Variants in LCOR observed in about 807,000 individuals in gnomAD.
LCOR encodes the protein ligand-dependent corepressor.
Under a neutral mutation model 64.4 loss-of-function variants are expected in LCOR, and 14 were observed. That is an observed-to-expected ratio of 0.22 (90% CI 0.14 to 0.34). The LOEUF is 0.34. LCOR is among the 10% of genes least tolerant of loss of function. The pLI is 1.00. For synonymous variants in LCOR, 643 were observed against 642.5 expected (o/e 1.00, Z -0.01); for missense variants, 1,686 against 1,765.3 (o/e 0.96, Z 0.80).
At position 96,973,796 on chromosome 10, in the gene LCOR, T is replaced by C. The variant is rs138098659; in HGVS notation, c.333-6997T>C. Among the ~76,000 whole-genome samples, 121 of 152,318 alleles carry C rather than the reference T, an allele frequency of 7.9e-4. 1 individual carries two copies. The highest frequency in any genetic ancestry group is 2.8e-3 in the African/African-American group (115 of 41,568). On this transcript the variant is annotated intron_variant, in intron 7 of 7. Coordinates refer to ENST00000421806, the MANE Select transcript of LCOR (RefSeq NM_001346516.2). ...TTGATCTTTTTTCAGTCAAGAAGAA[T>C]GTATTTTGGTCATCAGTGATATTGC...
At chr10:96,920,722 ATATGTT>A (rs1358807185) in intron 4 of LCOR, among the ~76,000 whole-genome samples, 9 of 133,228 alleles carry the variant, frequency 6.8e-5, no homozygotes, top group Admixed American at 2.4e-4. Flanking sequence ...ATATATGTAT[ATATGTT>A]CATATATATG....
chr10:96,852,522 A>G, intron 2 of LCOR, among the ~76,000 whole-genome samples: 1 of 152,244 alleles, frequency 6.6e-6, no homozygotes, highest in East Asian at 1.9e-4. Context: ...TGCCATCCCC[A>G]AGATATCTCA....
At chr10:96,909,264 C>A (rs191774244) in intron 4 of LCOR, among the ~76,000 whole-genome samples, 70 of 152,320 alleles carry the variant, frequency 4.6e-4, no homozygotes, top group African/African-American at 1.6e-3. Context: ...ATTAGCCTAA[C>A]AGTGCCTCAG....
intron 2 of LCOR, among the ~76,000 whole-genome samples, chr10:96,848,472 A>G (rs926850022): frequency 5.3e-5 from 8 of 152,332 alleles, no homozygotes; most frequent in African/African-American, 1.9e-4. Context: ...AGCCTGACCA[A>G]CATGGTGAAA....
chr10:96,958,371 G>C, intron 7 of LCOR: 1 of 1,531,998 alleles, frequency 6.5e-7, no homozygotes, highest in South Asian at 1.2e-5. Context: ...TACATGGAGT[G>C]ATCATTTTAC....
intron 4 of LCOR, among the ~76,000 whole-genome samples, chr10:96,942,260 C>CA (rs1847501757): frequency 6.6e-6 from 1 of 151,784 alleles, no homozygotes; most frequent in Admixed American, 6.5e-5. Context: ...GCCAACACAG[C>CA]AAAACCCCGT....
At chr10:96,874,641 C>CTTT (rs35772302) in intron 2 of LCOR, among the ~76,000 whole-genome samples, 1 of 145,138 alleles carries the variant, frequency 6.9e-6, no homozygotes, top group Admixed American at 6.9e-5. Context: ...GACTAGAGTA[C>CTTT]TTTTTTTTTT....
chr10:96,955,613 A>C (rs777222384), intron 7 of LCOR: 6 of 1,614,226 alleles, frequency 3.7e-6, no homozygotes, highest in Non-Finnish European at 5.1e-6. Context: ...CGGATCAAGA[A>C]GGAGACCCTG....
At position 96,980,841 on chromosome 10, in the gene LCOR, G is replaced by C; in HGVS notation, c.381G>C (p.Lys127Asn). The change falls in exon 8 of 8, where the codon AAG (lysine) becomes AAC (asparagine). Residue 127 changes from lysine to asparagine, a missense_variant. Physicochemically the swap from Lys to Asn is moderately conservative, Grantham distance 94. Around this residue, in one of 3 missense-constraint regions of LCOR, gnomAD observed 313 missense variants for 247.2 expected, o/e 1.27. Transcript: ENST00000421806. The stretch of plus-strand genomic sequence containing the variant: ...CAGTAGATTCTAACAATCAGTCGAA[G>C]TCCCCACTGGAGAAATTTATGGTCA... ...AKAVDSNNQS[K>N]SPLEKFMVKL... 1 of 702,982 alleles carries C rather than the reference G, an allele frequency of 1.4e-6. No individual in the cohort carries two copies. The highest frequency in any genetic ancestry group is 2.7e-5 in the East Asian group (1 of 37,298). The allele number at this position is 702,982 out of a possible 1,614,324, so 43.5% of individuals were successfully genotyped here.
chr10:96,917,025 T>C (rs1846963628), intron 4 of LCOR, among the ~76,000 whole-genome samples: 1 of 152,250 alleles, frequency 6.6e-6, no homozygotes, highest in African/African-American at 2.4e-5. Flanking sequence ...CTAACCTTGT[T>C]AAATTTCCAG....
intron 2 of LCOR, among the ~76,000 whole-genome samples, chr10:96,860,067 G>GA (rs1845863376): frequency 6.6e-6 from 1 of 152,164 alleles, no homozygotes; most frequent in Non-Finnish European, 1.5e-5. Flanking sequence ...TTCTTCAAAT[G>GA]AAAATTGGAT....
In LCOR at chr10:96,891,482, C is replaced by G. The variant is rs1291748905; in HGVS notation, c.-329-15783C>G. ...TTCATTGATACTGATTTTTCTGACT[C>G]TTTTTTTTTTTTTTTTTTTTGAGAC... On this transcript the variant is annotated intron_variant, in intron 2 of 7. Transcript: ENST00000421806. Among the ~76,000 whole-genome samples the G allele has an allele frequency of 2.5e-4, 7 of 28,490 alleles. No individual in the cohort carries two copies. The Admixed American group carries it at 3.6e-3, about 15-fold the overall frequency. The allele number at this position is 28,490 out of a possible 152,430, so 18.7% of individuals were successfully genotyped here.
At chr10:96,929,654 T>C (rs1847224069) in intron 4 of LCOR, among the ~76,000 whole-genome samples, 1 of 152,236 alleles carries the variant, frequency 6.6e-6, no homozygotes, top group Admixed American at 6.5e-5. Flanking sequence ...TAAGAACTTT[T>C]TCCTTTACAT....
chr10:96,978,613 G>C (rs1368593992), intron 7 of LCOR, among the ~76,000 whole-genome samples: 1 of 152,150 alleles, frequency 6.6e-6, no homozygotes, highest in Admixed American at 6.5e-5. Flanking sequence ...TCAAATCCAT[G>C]GTCTAATATA....
chr10:96,917,179 C>A (rs117302021), intron 4 of LCOR, among the ~76,000 whole-genome samples: 1 of 152,166 alleles, frequency 6.6e-6, no homozygotes, highest in Non-Finnish European at 1.5e-5. Flanking sequence ...AAGGAGAAAT[C>A]ATTAATTGGT....
At chr10:96,855,448 T>C (rs1369302484) in intron 2 of LCOR, among the ~76,000 whole-genome samples, 1 of 150,656 alleles carries the variant, frequency 6.6e-6, no homozygotes, top group Non-Finnish European at 1.5e-5. Context: ...GTTTGTTTGT[T>C]TTTGAGATGG....
intron 7 of LCOR, among the ~76,000 whole-genome samples, chr10:96,970,615 T>TTTTA (rs1443596798): frequency 6.8e-6 from 1 of 146,562 alleles, no homozygotes. Context: ...TTTTATTTTA[T>TTTTA]TTTATTTTAT....
intron 2 of LCOR, among the ~76,000 whole-genome samples, chr10:96,858,191 A>G (rs190019869): frequency 6.5e-4 from 99 of 152,282 alleles, no homozygotes; most frequent in Non-Finnish European, 5.9e-5. Context: ...TAATTTTTCT[A>G]TTTGTGTGAA....
chr10:96,869,204 G>A (rs1353308211), intron 2 of LCOR, among the ~76,000 whole-genome samples: 1 of 152,084 alleles, frequency 6.6e-6, no homozygotes, highest in Non-Finnish European at 1.5e-5. Context: ...ACTGTGCCTG[G>A]CCTGTTTTTT....
Sources: allele counts gnomAD v4.1 joint callset (sites outside exome capture counted in the v4.1 genomes callset), GRCh38; gene constraint gnomAD v4.1.1; regional missense constraint gnomAD v4.1.1; transcripts MANE v1.5; gene names NCBI Gene and HGNC (gene_info 2026-07-23, HGNC 2026-07-21).